Variants in ZNF639 observed in about 807,000 individuals in gnomAD.
ZNF639 encodes the protein zinc finger protein 639, also known as zinc finger amplified in esophageal squamous cell carcinomas 1.
Under a neutral mutation model 39.8 loss-of-function variants are expected in ZNF639, and 20 were observed. The observed-to-expected ratio is 0.50, with a 90% CI of 0.35 to 0.73. The LOEUF (loss-of-function observed/expected upper bound fraction) is 0.73. ZNF639 is among the 30% of genes least tolerant of loss of function. ZNF639 has a pLI of 0.00. For missense variants in ZNF639, 477 were observed against 566.2 expected, an observed-to-expected ratio of 0.84 and a Z score of 1.60; for synonymous variants, 176 against 189.8, an observed-to-expected ratio of 0.93 and a Z score of 0.60.
chr3:179,330,935 C>G (rs1486006880), intron 4 of ZNF639, among the ~76,000 whole-genome samples: 2 of 152,194 alleles, frequency 1.3e-5, no homozygotes, highest in Non-Finnish European at 2.9e-5. Context: ...TGTACACACA[C>G]ACTTTGCTGT....
chr3:179,324,526 T>C (rs1727474814), intron 1 of ZNF639, among the ~76,000 whole-genome samples: 1 of 152,184 alleles, frequency 6.6e-6, no homozygotes, highest in South Asian at 2.1e-4. Context: ...TTCAAGGCTG[T>C]TATGCACACA....
rs1028941237 is a variant in ZNF639 at position 179,336,899 on chromosome 3, G to A, written c.*2477G>A. ...TTTTTGGAAAAACACCTTAAGTAAT[G>A]CCTTGGTTTGTTTGTTTTCTTTTAA... On this transcript the variant is annotated 3_prime_UTR_variant, in exon 6 of 6. Coordinates refer to ENST00000496856, the MANE Select transcript of ZNF639 (RefSeq NM_001303426.2). The A allele has an allele frequency of 6.6e-6, 1 of 152,184 alleles. No homozygotes were observed. The highest frequency in any genetic ancestry group is 2.4e-5 in the African/African-American group (1 of 41,440). 9.4% of individuals were successfully genotyped at this position (152,184 alleles called of 1,614,324 possible).
At chr3:179,323,731 G>T (rs1203859329) in intron 1 of ZNF639, 3 of 152,204 alleles carry the variant, frequency 2.0e-5, no homozygotes, top group Non-Finnish European at 4.4e-5. Flanking sequence ...CGGCGGCTTC[G>T]TGACCTCCGG....
chr3:179,327,991 TA>T, intron 2 of ZNF639: 1 of 221,374 alleles, frequency 4.5e-6, no homozygotes, highest in South Asian at 7.8e-5. Flanking sequence ...TAAAATGACT[TA>T]AACATGTGGT....
At chr3:179,327,048 G>A (rs185313383) in intron 1 of ZNF639, among the ~76,000 whole-genome samples, 1 of 151,864 alleles carries the variant, frequency 6.6e-6, no homozygotes, top group African/African-American at 2.4e-5. Context: ...AAATTAGCCC[G>A]GTGTGGTGCC....
At chr3:179,331,775 CAAAAA>C (rs56708873) in intron 4 of ZNF639, among the ~76,000 whole-genome samples, 9 of 80,554 alleles carry the variant, frequency 1.1e-4, no homozygotes, top group South Asian at 8.9e-4. Context: ...AACTCCATCT[CAAAAA>C]AAAAAAAAAA....
chr3:179,328,307 C>T lies in ZNF639; in HGVS notation c.14C>T (p.Pro5Leu). Residue 5 changes from proline (P) to leucine (L), a missense_variant, in exon 3 of 6, where the codon CCT becomes CTT. Coordinates refer to ENST00000496856, the MANE Select transcript of ZNF639 (RefSeq NM_001303426.2). ...GATTGAAAAGATATGAATGAGTATC[C>T]TAAAAAAAGAAAAAGGAAGACTCTA... is the stretch of plus-strand genomic sequence containing the variant. MNEY[P>L]KKRKRKTLHP... 1 of 1,578,562 alleles carries T rather than the reference C, an allele frequency of 6.3e-7. No individual in the cohort carries two copies. Among genetic ancestry groups the T allele is most frequent in the South Asian group, 1.2e-5 (1 of 86,078 alleles).
Position 179,334,433 on chromosome 3 carries a change from T to TAATA in ZNF639, c.*13_*14insTAAA, listed in dbSNP as rs1262744249. ...CATGAGACAACTTGATTATTCTCTTTAACTTACAGAATGTTAGTTTAAAAT... is the reference window on the plus strand; with the variant it reads ...CATGAGACAACTTGATTATTCTCTTTAATAAACTTACAGAATGTTAGTTTAAAAT... On this transcript the variant is annotated 3_prime_UTR_variant, in exon 6 of 6. Transcript: ENST00000496856. 6.7e-7 allele frequency: 1 copy of TAATA among 1,496,444 alleles called. No homozygotes were observed. The highest frequency in any genetic ancestry group is 8.9e-7 in the Non-Finnish European group (1 of 1,124,134). 92.7% of individuals were successfully genotyped at this position (1,496,444 alleles called of 1,614,324 possible). A position where few individuals can be genotyped will look rare whatever the true frequency, so the allele number is the denominator to read the frequency against.
Position 179,338,435 on chromosome 3 carries a change from T to A in ZNF639, c.*4013T>A, listed in dbSNP as rs771406983. 1 of 152,224 alleles carries A rather than the reference T, an allele frequency of 6.6e-6. No homozygotes were observed. The highest frequency in any genetic ancestry group is 1.5e-5 in the Non-Finnish European group (1 of 68,036). 9.4% of individuals were successfully genotyped at this position (152,224 alleles called of 1,614,324 possible). A position where few individuals can be genotyped will look rare whatever the true frequency, so the allele number is the denominator to read the frequency against. On this transcript the variant is annotated 3_prime_UTR_variant, in exon 6 of 6. Transcript: ENST00000496856. ...GCTTATAAATTTGCCAATTTTGCCA[T>A]TTTAAATCACCTTTCTTACGTTTCT... is the stretch of plus-strand genomic sequence containing the variant.
rs2108511764 is a variant in ZNF639 at position 179,336,784 on chromosome 3, T to C, written c.*2362T>C. The C allele has an allele frequency of 6.6e-6, 1 of 152,362 alleles. No homozygotes were observed. The highest frequency in any genetic ancestry group is 1.9e-4 in the East Asian group (1 of 5,192). The allele number at this position is 152,362 out of a possible 1,614,324, so 9.4% of individuals were successfully genotyped here. ...ATAAACCTAACCTTTCTCCCTGGGA[T>C]GTTTTTTGTGACTACTTCACCTAAC... On this transcript the variant is annotated 3_prime_UTR_variant, in exon 6 of 6. Coordinates refer to ENST00000496856, the MANE Select transcript of ZNF639 (RefSeq NM_001303426.2).
At chr3:179,331,951 C>T (rs1399896333) in intron 4 of ZNF639, among the ~76,000 whole-genome samples, 1 of 151,928 alleles carries the variant, frequency 6.6e-6, no homozygotes, top group East Asian at 1.9e-4. Context: ...TCCATAATTC[C>T]AGCGTAATCA....
At position 179,335,237 on chromosome 3, in the gene ZNF639, A is replaced by C. The variant is rs933842859; in HGVS notation, c.*815A>C. 1.3e-5 allele frequency: 2 copies of C among 152,240 alleles called. No homozygotes were observed. The highest frequency in any genetic ancestry group is 2.9e-5 in the Non-Finnish European group (2 of 68,068). 9.4% of individuals were successfully genotyped at this position (152,240 alleles called of 1,614,324 possible). A position where few individuals can be genotyped will look rare whatever the true frequency, so the allele number is the denominator to read the frequency against. On this transcript the variant is annotated 3_prime_UTR_variant, in exon 6 of 6. Coordinates refer to ENST00000496856, the MANE Select transcript of ZNF639 (RefSeq NM_001303426.2). Reference sequence around the variant, plus strand: ...CTCCTGCATAGCTAGGACTACAGGCATGTGGCACCATGCCCGCTAAGTTTT... The same window carrying C: ...CTCCTGCATAGCTAGGACTACAGGCCTGTGGCACCATGCCCGCTAAGTTTT...
At chr3:179,328,228 C>A in intron 2 of ZNF639, 55 bp from the exon 3 acceptor site, 1 of 996,118 alleles carries the variant, frequency 1.0e-6, no homozygotes, top group Admixed American at 2.5e-5. Context: ...ATTTTTATAA[C>A]GTCATTAACA....
At chr3:179,324,141 T>A (rs1727446159) in intron 1 of ZNF639, among the ~76,000 whole-genome samples, 1 of 152,232 alleles carries the variant, frequency 6.6e-6, no homozygotes, top group Non-Finnish European at 1.5e-5. Context: ...TAACTCTTTT[T>A]AAACTCGTTA....
At chr3:179,331,142 G>A (rs148137067) in intron 4 of ZNF639, among the ~76,000 whole-genome samples, 152 of 152,238 alleles carry the variant, frequency 1.0e-3, no homozygotes, top group African/African-American at 3.5e-3. Flanking sequence ...CTAAACACAC[G>A]CACTTGACAG....
chr3:179,328,712 G>A (rs536489091), intron 3 of ZNF639, among the ~76,000 whole-genome samples: 2 of 151,652 alleles, frequency 1.3e-5, no homozygotes, highest in Non-Finnish European at 2.9e-5. Context: ...ACATTATTGG[G>A]GAAAAAAGAC....
At position 179,333,359 on chromosome 3, in the gene ZNF639, T is replaced by A. The variant is rs780207044; in HGVS notation, c.395T>A (p.Val132Asp). ...QQTQEESPIE[V>D]HTAEDVPIAV... ...ACCCAAGAGGAGAGTCCTATAGAAG[T>A]TCACACTGCTGAAGATGTTCCAATT... Residue 132 changes from valine (V) to aspartate (D), a missense_variant, in exon 6 of 6, where the codon GTT becomes GAT. Val to Asp is a radical substitution (Grantham distance 152). Transcript: ENST00000496856. 1 of 1,614,122 alleles carries A rather than the reference T, an allele frequency of 6.2e-7. No homozygotes were observed.
chr3:179,328,436 T>A (rs1260165692), intron 3 of ZNF639, 85 bp downstream of exon 3: 1 of 929,010 alleles, frequency 1.1e-6, no homozygotes, highest in Admixed American at 2.7e-5. Context: ...AGTGATCAGA[T>A]AAGACTTAAA....
rs759163120 is a variant in ZNF639 at position 179,333,935 on chromosome 3, A to G, written c.971A>G (p.His324Arg). The change falls in exon 6 of 6, where the codon CAT becomes CGT. Residue 324 changes from histidine to arginine, a missense_variant. By Grantham distance (29) the His-to-Arg change is conservative (BLOSUM62 0). Coordinates refer to ENST00000496856, the MANE Select transcript of ZNF639 (RefSeq NM_001303426.2). ...CAGTACTTGTGTCAGTTCTGTGAAC[A>G]TGAAACTAATGATCCAGAAGACTTG... ...DEQYLCQFCE[H>R]ETNDPEDLHS... is the part of the protein sequence containing the mutation. 2.8e-5 allele frequency: 46 copies of G among 1,614,214 alleles called. No individual in the cohort carries two copies. The South Asian group carries it at 4.6e-4, about 16-fold the overall frequency.
Sources: allele counts gnomAD v4.1 joint callset (sites outside exome capture counted in the v4.1 genomes callset), GRCh38; gene constraint gnomAD v4.1.1; transcripts MANE v1.5; gene names NCBI Gene and HGNC (gene_info 2026-07-23, HGNC 2026-07-21).